The following MCFD2 variants were observed in gnomAD, a reference collection of about 807,000 sequenced individuals.
MCFD2 encodes multiple coagulation factor deficiency protein 2.
A neutral mutation model predicts 12.8 loss-of-function variants in MCFD2; 11 were observed. The ratio of observed to expected loss-of-function variants is 0.86; its 90% CI spans 0.54 to 1.42. The LOEUF is 1.42. MCFD2 is among the 40% of genes most tolerant of loss of function. The probability of loss-of-function intolerance (pLI) is 0.00; values close to 1 mark genes in which losing one functional copy is unlikely to be tolerated. For synonymous variants in MCFD2, 70 were observed against 68.1 expected (o/e 1.03, Z -0.14); for missense variants, 191 against 178.6 (o/e 1.07, Z -0.40).
chr2:46,915,940 G>C (rs1001400932), upstream of MCFD2: 4 of 985,196 alleles, frequency 4.1e-6, no homozygotes, highest in Non-Finnish European at 4.8e-6. Context: ...CGTGTAATCG[G>C]CCCGGGCCCA....
chr2:46,935,556 C>G lies in MCFD2; in HGVS notation c.-8+6016G>C, dbSNP rs556054387. On this transcript the variant is annotated intron_variant, in intron 1 of 2. Transcript: ENST00000409147. The stretch of plus-strand genomic sequence containing the variant: ...GAACAAGCTAAGCTTTGCGTTATCA[C>G]AAAAATTGTCTTGATGGTATTTGCT... 2.0e-5 allele frequency among the ~76,000 whole-genome samples: 3 copies of G among 152,276 alleles called. No homozygotes were observed. In the East Asian group the frequency reaches 5.8e-4, roughly 29 times the overall value.
At chr2:46,926,441 G>A (rs1349753291) in intron 1 of MCFD2, among the ~76,000 whole-genome samples, 1 of 152,134 alleles carries the variant, frequency 6.6e-6, no homozygotes, top group Non-Finnish European at 1.5e-5. Context: ...GCACACAGTG[G>A]GGGCACTTAA....
upstream of MCFD2, chr2:46,917,079 A>G (rs1668840958): frequency 1.5e-6 from 1 of 674,404 alleles, no homozygotes; most frequent in Non-Finnish European, 2.7e-6. Context: ...CGCCACTGCC[A>G]TTGACGGTCT....
intron 1 of MCFD2, among the ~76,000 whole-genome samples, chr2:46,938,883 C>T (rs988282441): frequency 1.3e-5 from 2 of 151,698 alleles, no homozygotes; most frequent in Admixed American, 6.6e-5. Context: ...TGGTGGTGCA[C>T]GCCTGTAGTC....
intron 1 of MCFD2, among the ~76,000 whole-genome samples, chr2:46,910,313 C>T (rs1270338607): frequency 1.3e-5 from 2 of 152,090 alleles, no homozygotes; most frequent in Non-Finnish European, 2.9e-5. Context: ...ACAGACTGAC[C>T]TCAAAAAGGA....
chr2:46,919,457 CG>C (rs945641997), upstream of MCFD2, among the ~76,000 whole-genome samples: 1 of 152,204 alleles, frequency 6.6e-6, no homozygotes, highest in Admixed American at 6.5e-5. Flanking sequence ...TGCTTGAACC[CG>C]GGCAGCAGAG....
At chr2:46,927,016 C>T (rs1669418818) in intron 1 of MCFD2, among the ~76,000 whole-genome samples, 1 of 151,294 alleles carries the variant, frequency 6.6e-6, no homozygotes, top group African/African-American at 2.4e-5. Context: ...AAGAGAGAAT[C>T]AGTAAATTGG....
In MCFD2 at chr2:46,904,935, G is replaced by A. The variant is rs1471868400; in HGVS notation, c.*528C>T. On this transcript the variant is annotated 3_prime_UTR_variant, in exon 4 of 4. Coordinates refer to ENST00000319466, the MANE Select transcript of MCFD2 (RefSeq NM_139279.6). ...AAATTGTATCTACCAGAATTCCCACGTGTTGTGGGAGAGACCCAAGGGGAG... is the reference window on the plus strand; with the variant it reads ...AAATTGTATCTACCAGAATTCCCACATGTTGTGGGAGAGACCCAAGGGGAG... 3 of 197,514 alleles carry A rather than the reference G, an allele frequency of 1.5e-5. No individual in the cohort carries two copies. Among genetic ancestry groups the A allele is most frequent in the African/African-American group, 4.7e-5 (2 of 42,536 alleles). 12.2% of individuals were successfully genotyped at this position (197,514 alleles called of 1,614,324 possible). A position where few individuals can be genotyped will look rare whatever the true frequency, so the allele number is the denominator to read the frequency against.
upstream of MCFD2, chr2:46,916,019 G>A (rs921872923): frequency 3.0e-6 from 3 of 985,320 alleles, no homozygotes; most frequent in African/African-American, 5.2e-5. Flanking sequence ...CACTCCAGTT[G>A]GGCCGCTGGA....
rs114592091 is a variant in MCFD2, at chr2:46,937,687, C to T, written c.-8+3885G>A. Among the ~76,000 whole-genome samples the T allele has an allele frequency of 4.9e-3, 753 of 152,302 alleles. 6 individuals carry two copies. The highest frequency in any genetic ancestry group is 0.017 in the African/African-American group (721 of 41,554). On this transcript the variant is annotated intron_variant, in intron 1 of 2. Transcript: ENST00000409147. This position sits in a 1 kb window ranked among gnomAD's most constrained non-coding sequence, Gnocchi z 4.0. ...TCCTGGACTCAAGTGATTCTCCCAC[C>T]TCCTTCTCCCAAAGTGTTAGGATTA...
chr2:46,923,413 C>T (rs1209318926), intron 1 of MCFD2, among the ~76,000 whole-genome samples: 1 of 152,208 alleles, frequency 6.6e-6, no homozygotes, highest in Non-Finnish European at 1.5e-5. Flanking sequence ...AAGAAGACAT[C>T]ACTGTGGAGT....
upstream of MCFD2, chr2:46,915,806 G>GC (rs1353981164): frequency 2.0e-6 from 1 of 512,324 alleles, no homozygotes; most frequent in African/African-American, 6.8e-5. Flanking sequence ...CCTCGGCTTC[G>GC]CCCCGCCCCC....
chr2:46,924,613 C>A (rs1669287318), intron 1 of MCFD2, among the ~76,000 whole-genome samples: 1 of 151,886 alleles, frequency 6.6e-6, no homozygotes, highest in African/African-American at 2.4e-5. Context: ...CCTTACTATT[C>A]ATTGGATATT....
chr2:46,903,208 C>A lies in MCFD2; in HGVS notation c.*2255G>T. 1 of 154,138 alleles carries A rather than the reference C, an allele frequency of 6.5e-6. No homozygotes were observed. The highest frequency in any genetic ancestry group is 1.4e-5 in the Non-Finnish European group (1 of 69,518). The allele number at this position is 154,138 out of a possible 1,614,324, so 9.5% of individuals were successfully genotyped here. On this transcript the variant is annotated 3_prime_UTR_variant, in exon 4 of 4. Transcript: ENST00000319466. Reference sequence around the variant, plus strand: ...TGCTTTTGCTTCTTCCTCATTTTTTCTTGCCACAATGTAAGAAGTGTCTTT... The same window carrying A: ...TGCTTTTGCTTCTTCCTCATTTTTTATTGCCACAATGTAAGAAGTGTCTTT...
Position 46,909,230 on chromosome 2 carries a change from C to T in MCFD2, c.-6-53G>A, listed in dbSNP as rs554922404. The T allele has an allele frequency of 5.2e-5, 81 of 1,570,456 alleles. 1 individual carries two copies. The African/African-American group carries it at 8.6e-4, about 17-fold the overall frequency. ...AGGCAGAGCATCAGAGCAAAGGTTT[C>T]GTTCAGGGCTTGACATGGTATGATC... is the stretch of plus-strand genomic sequence containing the variant. On this transcript the variant is annotated intron_variant, in intron 1 of 3. Coordinates refer to ENST00000319466, the MANE Select transcript of MCFD2 (RefSeq NM_139279.6).
At position 46,915,805 on chromosome 2, in the gene MCFD2, C is replaced by CGGGGGGGGGGGGGGGGGGGGGGG; in HGVS notation, c.-90_-89insCCCCCCCCCCCCCCCCCCCCCCC. On this transcript the variant is annotated 5_prime_UTR_variant, in exon 1 of 4. Coordinates refer to ENST00000319466, the MANE Select transcript of MCFD2 (RefSeq NM_139279.6). Reference sequence around the variant, plus strand: ...TCCCCAAAACGCTCTTCCTCGGCTTCGCCCCGCCCCCCCCCCCCCCCCGAC... The same window carrying CGGGGGGGGGGGGGGGGGGGGGGG: ...TCCCCAAAACGCTCTTCCTCGGCTTCGGGGGGGGGGGGGGGGGGGGGGGGCCCCGCCCCCCCCCCCCCCCCGAC... 16 of 368,314 alleles carry CGGGGGGGGGGGGGGGGGGGGGGG rather than the reference C, an allele frequency of 4.3e-5. No individual in the cohort carries two copies. Among genetic ancestry groups the CGGGGGGGGGGGGGGGGGGGGGGG allele is most frequent in the South Asian group, 1.7e-4 (1 of 5,726 alleles). 22.8% of individuals were successfully genotyped at this position (368,314 alleles called of 1,614,324 possible).
chr2:46,925,701 TG>T (rs1669352579), intron 1 of MCFD2, among the ~76,000 whole-genome samples: 1 of 152,174 alleles, frequency 6.6e-6, no homozygotes, highest in African/African-American at 2.4e-5. Flanking sequence ...AAAAAACCCA[TG>T]TTTATTTTTC....
intron 1 of MCFD2, among the ~76,000 whole-genome samples, chr2:46,914,920 A>G (rs1668646325): frequency 6.6e-6 from 1 of 152,240 alleles, no homozygotes; most frequent in South Asian, 2.1e-4. Context: ...TTAAAGGAAG[A>G]CAGGTCATGA....
chr2:46,936,182 CTT>C (rs1280116941), intron 1 of MCFD2, among the ~76,000 whole-genome samples: 2 of 152,326 alleles, frequency 1.3e-5, no homozygotes, highest in Middle Eastern at 3.4e-3. Context: ...ATAAAGAACT[CTT>C]TATCTGACCA....
Sources: gnomAD v4.1 joint callset for allele counts (sites outside exome capture counted in the v4.1 genomes callset) on GRCh38, gnomAD v4.1.1 for gene constraint, Gnocchi (gnomAD v3.1) non-coding constraint, MANE v1.5 for transcripts, NCBI Gene and HGNC (gene_info 2026-07-23, HGNC 2026-07-21) for gene names.